The following LNX2 variants were observed in gnomAD, a reference collection of about 807,000 sequenced individuals.
LNX2 encodes ligand of Numb protein X 2.
In LNX2, 35 loss-of-function variants were observed where a neutral mutation model predicts 66.2. The observed-to-expected ratio is 0.53, with a 90% CI of 0.40 to 0.70. LNX2 has a LOEUF of 0.70. LNX2 is among the 30% of genes least tolerant of loss of function. The probability of loss-of-function intolerance (pLI) is 0.00; values close to 1 mark genes in which losing one functional copy is unlikely to be tolerated. For missense variants in LNX2, 791 were observed against 850.8 expected, an observed-to-expected ratio of 0.93 and a Z score of 0.87; for synonymous variants, 337 against 315.6, an observed-to-expected ratio of 1.07 and a Z score of -0.72.
chr13:27,612,162 A>C (rs938374606), intron 1 of LNX2, among the ~76,000 whole-genome samples: 3 of 152,222 alleles, frequency 2.0e-5, no homozygotes, highest in African/African-American at 7.2e-5. Flanking sequence ...GACTATATAG[A>C]AGAGGTGGAG....
intron 5 of LNX2, among the ~76,000 whole-genome samples, chr13:27,560,567 A>ATGTGTATATATATATATG (rs1566117038): frequency 8.9e-5 from 10 of 112,340 alleles, no homozygotes; most frequent in African/African-American, 3.3e-4. Context: ...GTATGTGTGT[A>ATGTGTATATATATATATG]TATATATATA....
rs143418689 is a variant in LNX2 at position 27,581,359 on chromosome 13, T to C, written c.345A>G (p.Pro115=). The change falls in exon 2 of 10, where the codon CCA becomes CCG. Residue 115 remains proline, a synonymous_variant. Coordinates refer to ENST00000316334, the MANE Select transcript of LNX2 (RefSeq NM_153371.4). ...TTACATCTTTGCACACTGAAGAAAA[T>C]GGACATAAAACTAATAATTTGTCTA... ...KLLDKLLVLC[P]FSSVCKDVMQ... is the part of the protein sequence containing the mutation. 6 of 1,567,046 alleles carry C rather than the reference T, an allele frequency of 3.8e-6. No individual in the cohort carries two copies. Among genetic ancestry groups the C allele is most frequent in the African/African-American group, 1.4e-5 (1 of 73,316 alleles).
At chr13:27,598,502 T>C (rs890448950) in intron 1 of LNX2, among the ~76,000 whole-genome samples, 20 of 152,152 alleles carry the variant, frequency 1.3e-4, no homozygotes, top group African/African-American at 4.3e-4. Flanking sequence ...GGAATGATAA[T>C]AGCTAACATT....
intron 2 of LNX2, among the ~76,000 whole-genome samples, chr13:27,571,586 G>A (rs916970820): frequency 6.6e-6 from 1 of 152,152 alleles, no homozygotes. Context: ...ACGTAATTCT[G>A]TGAATACACT....
rs1566124929 is a variant in LNX2 at position 27,583,262 on chromosome 13, GT to G, written c.-100-1460del. On this transcript the variant is annotated intron_variant, in intron 1 of 9. Transcript: ENST00000316334. ...TGTGTGTGTGTGTGTGTGTGCGCGCGTCCTCTCCAACATACTTATTTTTAAG... is the reference window on the plus strand; with the variant it reads ...TGTGTGTGTGTGTGTGTGTGCGCGCGCCTCTCCAACATACTTATTTTTAAG... Among the ~76,000 whole-genome samples the G allele has an allele frequency of 8.2e-4, 11 of 13,418 alleles. 3 individuals carry two copies. The African/African-American group carries it at 0.011, about 14-fold the overall frequency. 8.8% of individuals were successfully genotyped at this position (13,418 alleles called of 152,430 possible).
Position 27,550,339 on chromosome 13 carries a change from C to G in LNX2, c.1931G>C (p.Arg644Thr). The G allele has an allele frequency of 6.2e-7, 1 of 1,612,412 alleles. No individual in the cohort carries two copies. The highest frequency in any genetic ancestry group is 8.5e-7 in the Non-Finnish European group (1 of 1,179,268). ...VLGTPAYYDG[R>T]LKCGDMIVAV... Reference sequence around the variant, plus strand: ...TAATTAGAACAAGACTCACTTTAATCTTCCATCATAATAAGCAGGAGTTCC... The same window carrying G: ...TAATTAGAACAAGACTCACTTTAATGTTCCATCATAATAAGCAGGAGTTCC... Residue 644 changes from arginine to threonine, a missense_variant, in exon 9 of 10, where the codon AGA (arginine) becomes ACA (threonine). Coordinates refer to ENST00000316334, the MANE Select transcript of LNX2 (RefSeq NM_153371.4).
intron 1 of LNX2, among the ~76,000 whole-genome samples, chr13:27,594,689 G>A (rs537293839): frequency 1.9e-4 from 29 of 152,060 alleles, no homozygotes; most frequent in African/African-American, 7.0e-4. Flanking sequence ...CCCTCTAAAT[G>A]ATCCGCTTCC....
chr13:27,610,216 T>C (rs1184976475), intron 1 of LNX2, among the ~76,000 whole-genome samples: 1 of 152,230 alleles, frequency 6.6e-6, no homozygotes, highest in East Asian at 1.9e-4. Flanking sequence ...GGCCTCTCCC[T>C]ACCAATTTTA....
At chr13:27,560,257 C>T (rs975714503) in intron 5 of LNX2, among the ~76,000 whole-genome samples, 3 of 152,142 alleles carry the variant, frequency 2.0e-5, no homozygotes, top group African/African-American at 4.8e-5. Context: ...GGTCACACTG[C>T]CTGGGCTCTT....
intron 4 of LNX2, among the ~76,000 whole-genome samples, chr13:27,563,867 C>A (rs1955172117): frequency 6.6e-6 from 1 of 152,164 alleles, no homozygotes; most frequent in Non-Finnish European, 1.5e-5. Context: ...ACCAAATGCA[C>A]AGATGTCACA....
chr13:27,559,008 G>C (rs2138332223), intron 6 of LNX2, among the ~76,000 whole-genome samples: 1 of 152,162 alleles, frequency 6.6e-6, no homozygotes, highest in Non-Finnish European at 1.5e-5. Flanking sequence ...GAATTACTCT[G>C]GTAGGTCACA....
At chr13:27,619,275 A>G (rs1020257234) in intron 1 of LNX2, among the ~76,000 whole-genome samples, 1 of 133,792 alleles carries the variant, frequency 7.5e-6, no homozygotes, top group Non-Finnish European at 1.7e-5. Flanking sequence ...ACAAGCCAAA[A>G]AGGATACCAG....
At chr13:27,583,176 G>GTGTA (rs1455596431) in intron 1 of LNX2, among the ~76,000 whole-genome samples, 61 of 1,036 alleles carry the variant, frequency 0.059, 1 homozygote, top group Non-Finnish European at 0.097. Context: ...AGCAGTGTGT[G>GTGTA]TGTGTGTGTG....
At chr13:27,552,299 G>A (rs887260201) in intron 8 of LNX2, among the ~76,000 whole-genome samples, 17 of 152,216 alleles carry the variant, frequency 1.1e-4, no homozygotes, top group Non-Finnish European at 2.1e-4. Flanking sequence ...GGTCTGCAAC[G>A]TGCTGCCCAG....
intron 1 of LNX2, among the ~76,000 whole-genome samples, chr13:27,589,612 A>G (rs1415327643): frequency 6.6e-6 from 1 of 152,128 alleles, no homozygotes; most frequent in African/African-American, 2.4e-5. Context: ...CTCCTAAACC[A>G]TGATGAAAAA....
chr13:27,600,772 C>A (rs73446899), intron 1 of LNX2, among the ~76,000 whole-genome samples: 3,392 of 152,196 alleles, frequency 0.022, 138 homozygotes, highest in African/African-American at 0.077. Flanking sequence ...CCAACAAATG[C>A]CCCAGAATTA....
intron 1 of LNX2, among the ~76,000 whole-genome samples, chr13:27,589,855 G>A (rs992244631): frequency 6.6e-6 from 1 of 152,232 alleles, no homozygotes; most frequent in African/African-American, 2.4e-5. Context: ...GACCGCTGTG[G>A]AAAGAACTTT....
chr13:27,593,412 G>T (rs1955565047), intron 1 of LNX2, among the ~76,000 whole-genome samples: 1 of 151,894 alleles, frequency 6.6e-6, no homozygotes, highest in Non-Finnish European at 1.5e-5. Context: ...ACCTAAAAGG[G>T]CTTCTACCTC....
intron 1 of LNX2, among the ~76,000 whole-genome samples, chr13:27,596,164 G>GA (rs1267563928): frequency 6.6e-6 from 1 of 151,826 alleles, no homozygotes; most frequent in Non-Finnish European, 1.5e-5. Context: ...GTGACAATTT[G>GA]AAAAAACGCA....
Sources: gnomAD v4.1 joint callset for allele counts (sites outside exome capture counted in the v4.1 genomes callset) on GRCh38, gnomAD v4.1.1 for gene constraint, MANE v1.5 for transcripts, NCBI Gene and HGNC (gene_info 2026-07-23, HGNC 2026-07-21) for gene names.